Variants in PLCL1 observed in about 807,000 individuals in gnomAD.
PLCL1 encodes phospholipase C like 1 (inactive).
A neutral mutation model predicts 84.4 loss-of-function variants in PLCL1; 41 were observed. The ratio of observed to expected loss-of-function variants is 0.49; its 90% CI spans 0.38 to 0.63. PLCL1 has a LOEUF of 0.63. Among genes scored for constraint, PLCL1 ranks in the 30% least tolerant of loss-of-function variants. PLCL1 has a pLI of 0.00. For synonymous variants in PLCL1, 490 were observed against 488.3 expected (o/e 1.00, Z -0.05); for missense variants, 1,206 against 1,367.8 (o/e 0.88, Z 1.87).
At chr2:197,840,237 G>C (rs1686969167) in intron 1 of PLCL1, among the ~76,000 whole-genome samples, 2 of 152,086 alleles carry the variant, frequency 1.3e-5, no homozygotes, top group Non-Finnish European at 2.9e-5. Context: ...AAAAGAGTTT[G>C]TTTCACCTTC....
chr2:198,097,613 G>C (rs1693232394), intron 3 of PLCL1, among the ~76,000 whole-genome samples: 1 of 152,110 alleles, frequency 6.6e-6, no homozygotes, highest in South Asian at 2.1e-4. Context: ...ACAACTGTTT[G>C]GGGAACAAAA....
At chr2:198,072,614 G>A (rs1692488678) in intron 1 of PLCL1, among the ~76,000 whole-genome samples, 1 of 151,622 alleles carries the variant, frequency 6.6e-6, no homozygotes, top group Non-Finnish European at 1.5e-5. Flanking sequence ...GTTTTCTCTA[G>A]GATTCTGAAA....
intron 1 of PLCL1, among the ~76,000 whole-genome samples, chr2:197,993,164 T>C (rs983842793): frequency 6.6e-6 from 1 of 152,174 alleles, no homozygotes; most frequent in African/African-American, 2.4e-5. Context: ...ACACTTGTAC[T>C]TTTCTGTTTT....
At chr2:197,888,089 GA>G (rs796462175) in intron 1 of PLCL1, among the ~76,000 whole-genome samples, 50 of 141,490 alleles carry the variant, frequency 3.5e-4, no homozygotes, top group East Asian at 1.6e-3. Context: ...GACACTGTCT[GA>G]AAAAAAAAAA....
intron 1 of PLCL1, among the ~76,000 whole-genome samples, chr2:197,898,922 C>T (rs553984270): frequency 2.6e-5 from 4 of 152,074 alleles, no homozygotes; most frequent in African/African-American, 4.8e-5. Context: ...ACCTGCCGTT[C>T]GATAAAGACT....
intron 1 of PLCL1, chr2:197,810,156 T>G: frequency 3.0e-6 from 1 of 330,266 alleles, no homozygotes; most frequent in Non-Finnish European, 5.5e-6. Context: ...ACCTCTTAGG[T>G]AGATTTGGTT....
intron 1 of PLCL1, among the ~76,000 whole-genome samples, chr2:197,923,711 C>A (rs1410582809): frequency 3.4e-5 from 5 of 146,376 alleles, no homozygotes; most frequent in African/African-American, 1.3e-4. Flanking sequence ...ACATCCCAGA[C>A]GATGGGCGGC....
At chr2:197,860,926 G>T (rs1307882084) in intron 1 of PLCL1, among the ~76,000 whole-genome samples, 1 of 152,060 alleles carries the variant, frequency 6.6e-6, no homozygotes, top group Non-Finnish European at 1.5e-5. Context: ...TGGCATCTTC[G>T]TCATGAAATC....
chr2:198,093,473 AC>A (rs942278311), intron 3 of PLCL1, among the ~76,000 whole-genome samples: 4 of 151,692 alleles, frequency 2.6e-5, no homozygotes, highest in South Asian at 2.1e-4. Context: ...CAGTCTAACC[AC>A]CCCCCCAACC....
rs539629832 is a variant in PLCL1, at chr2:197,818,294, C to T, written c.240+12955C>T. Among the ~76,000 whole-genome samples, 9 of 152,202 alleles carry T rather than the reference C, an allele frequency of 5.9e-5. No individual in the cohort carries two copies. In the East Asian group the frequency reaches 1.7e-3, roughly 29 times the overall value. On this transcript the variant is annotated intron_variant, in intron 1 of 5. Coordinates refer to ENST00000428675, the MANE Select transcript of PLCL1 (RefSeq NM_006226.4). ...ATTCACATACTCAGGCAACCATGAC[C>T]GTCCCTTCCTTACTAAGAAGCTGGC...
chr2:197,921,381 A>T (rs946322647), intron 1 of PLCL1, among the ~76,000 whole-genome samples: 2 of 152,178 alleles, frequency 1.3e-5, no homozygotes, highest in African/African-American at 4.8e-5. Context: ...CTATTAATTA[A>T]TAGGGGTCCT....
In PLCL1 at chr2:197,923,906, G is replaced by A. The variant is rs547593076; in HGVS notation, c.240+118567G>A. On this transcript the variant is annotated intron_variant, in intron 1 of 5. Coordinates refer to ENST00000428675, the MANE Select transcript of PLCL1 (RefSeq NM_006226.4). ...TGAACGAGACTCCGTCTGCAATCCC[G>A]GCACCTCGGGAGGCCAAGGCTGGCG... 5.8e-4 allele frequency among the ~76,000 whole-genome samples: 88 copies of A among 151,616 alleles called. 4 individuals are homozygous for A. In the South Asian group the frequency reaches 0.014, roughly 24 times the overall value.
At chr2:198,032,451 T>G (rs1171761456) in intron 1 of PLCL1, among the ~76,000 whole-genome samples, 2 of 152,246 alleles carry the variant, frequency 1.3e-5, no homozygotes, top group African/African-American at 4.8e-5. Context: ...TTGGCTTTCA[T>G]GAAGACAAAA....
chr2:197,859,550 G>C (rs1377167911), intron 1 of PLCL1, among the ~76,000 whole-genome samples: 1 of 151,986 alleles, frequency 6.6e-6, no homozygotes, highest in African/African-American at 2.4e-5. Flanking sequence ...ACAAAATTTG[G>C]CCAACTATGG....
intron 1 of PLCL1, among the ~76,000 whole-genome samples, chr2:197,908,679 A>G (rs1688429137): frequency 6.6e-6 from 1 of 152,212 alleles, no homozygotes; most frequent in African/African-American, 2.4e-5. Flanking sequence ...CCCGATAAGC[A>G]TTTCCTAATC....
Position 197,948,244 on chromosome 2 carries a change from G to A in PLCL1, c.241-135514G>A, listed in dbSNP as rs939947226. Reference sequence around the variant, plus strand: ...CAAGGTAACCTTTTAACTGGTGAAAGGTGACACTGTTAACTAAGAACGCTG... The same window carrying A: ...CAAGGTAACCTTTTAACTGGTGAAAAGTGACACTGTTAACTAAGAACGCTG... On this transcript the variant is annotated intron_variant, in intron 1 of 5. Coordinates refer to ENST00000428675, the MANE Select transcript of PLCL1 (RefSeq NM_006226.4). Among the ~76,000 whole-genome samples, 4 of 152,118 alleles carry A rather than the reference G, an allele frequency of 2.6e-5. 1 individual carries two copies. Among genetic ancestry groups the A allele is most frequent in the African/African-American group, 7.2e-5 (3 of 41,418 alleles).
intron 1 of PLCL1, among the ~76,000 whole-genome samples, chr2:197,990,568 A>G (rs1042610526): frequency 3.9e-5 from 6 of 152,168 alleles, no homozygotes; most frequent in South Asian, 2.1e-4. Flanking sequence ...GGCAAGAGAG[A>G]GTGTTCAGGG....
At chr2:197,947,463 C>T (rs1052584085) in intron 1 of PLCL1, among the ~76,000 whole-genome samples, 1 of 151,920 alleles carries the variant, frequency 6.6e-6, no homozygotes, top group African/African-American at 2.4e-5. Flanking sequence ...ACCACTGGAG[C>T]TGGGCAGAGG....
chr2:197,946,153 A>G (rs1257911245), intron 1 of PLCL1, among the ~76,000 whole-genome samples: 1 of 152,234 alleles, frequency 6.6e-6, no homozygotes, highest in Non-Finnish European at 1.5e-5. Context: ...GGAGAGCCAT[A>G]GAAGTATTGG....
Sources: gnomAD v4.1 joint callset for allele counts (sites outside exome capture counted in the v4.1 genomes callset) on GRCh38, gnomAD v4.1.1 for gene constraint, MANE v1.5 for transcripts, NCBI Gene and HGNC (gene_info 2026-07-23, HGNC 2026-07-21) for gene names.